SYNM: variants seen among roughly 807,000 people sequenced by gnomAD.
The protein encoded by SYNM is synemin.
SYNM carries 95 observed loss-of-function variants against 104.0 expected under a neutral mutation model. The ratio of observed to expected loss-of-function variants is 0.91; its 90% CI spans 0.77 to 1.08. The LOEUF (loss-of-function observed/expected upper bound fraction) is 1.08, where lower values mean the gene tolerates loss of function less well. Ranked by LOEUF, SYNM falls within the 50% of genes least tolerant of loss-of-function variation. The pLI, the probability that SYNM is intolerant of heterozygous loss-of-function variation, is 0.00. For synonymous variants in SYNM, 918 were observed against 869.0 expected (o/e 1.06, Z -0.99); for missense variants, 2,150 against 2,052.2 (o/e 1.05, Z -0.92).
At chr15:99,127,138 AG>A (rs1555485119) in intron 3 of SYNM, among the ~76,000 whole-genome samples, 3 of 152,098 alleles carry the variant, frequency 2.0e-5, no homozygotes, top group African/African-American at 7.2e-5. Context: ...TTCCAGACCA[AG>A]GGGTTATGGT....
At chr15:99,107,865 T>A (rs1241260613) in intron 1 of SYNM, among the ~76,000 whole-genome samples, 1 of 152,132 alleles carries the variant, frequency 6.6e-6, no homozygotes, top group African/African-American at 2.4e-5. Flanking sequence ...TACTTCTCTC[T>A]TGTTGGAATT....
Position 99,126,722 on chromosome 15 carries a change from G to A in SYNM, c.936G>A (p.Arg312=). 6.3e-7 allele frequency: 1 copy of A among 1,575,650 alleles called. No individual in the cohort carries two copies. Among genetic ancestry groups the A allele is most frequent in the East Asian group, 2.3e-5 (1 of 43,302 alleles). The change falls in exon 3 of 4, where the codon CGG becomes CGA. Residue 312 remains arginine (R), a splice_region_variant and synonymous_variant. Coordinates refer to ENST00000336292, the MANE Select transcript of SYNM (RefSeq NM_145728.3). ...TTATGTTTGTAAATTATTTTTACAG[G>A]GCCTTATTGGAAGGAGAAAGTAATC... The part of the protein sequence containing the change: ...TGLSLEVATY[R]ALLEGESNPE...
chr15:99,124,213 T>C (rs1555484830), intron 2 of SYNM, among the ~76,000 whole-genome samples: 2 of 152,358 alleles, frequency 1.3e-5, no homozygotes, highest in African/African-American at 4.8e-5. Flanking sequence ...ATGCTACCCA[T>C]TTCTTAAAGT....
chr15:99,105,294 T>G lies in SYNM; in HGVS notation c.95T>G (p.Leu32Arg), dbSNP rs1555482345. 6.4e-6 allele frequency: 10 copies of G among 1,551,046 alleles called. No homozygotes were observed. The highest frequency in any genetic ancestry group is 8.7e-6 in the Non-Finnish European group (10 of 1,148,672). ...LYDYVCRVRELERENLLLEEE... is the reference protein window; with the variant it reads ...LYDYVCRVRERERENLLLEEE... The stretch of plus-strand genomic sequence containing the variant: ...GACTACGTGTGTCGGGTGCGGGAGC[T>G]GGAGCGCGAAAACCTACTCCTGGAG... The change falls in exon 1 of 4, where the codon CTG (leucine) becomes CGG (arginine). Residue 32 changes from leucine to arginine, a missense_variant. Physicochemically the swap from Leu to Arg is moderately radical, Grantham distance 102. Transcript: ENST00000336292.
Position 99,132,956 on chromosome 15 carries a change from C to T in SYNM, c.4596C>T (p.Leu1532=). 1 of 1,613,290 alleles carries T rather than the reference C, an allele frequency of 6.2e-7. No homozygotes were observed. Among genetic ancestry groups the T allele is most frequent in the Non-Finnish European group, 8.5e-7 (1 of 1,179,728 alleles). ...EQAMFDKKVQ[L]QRMVDQRSVI... is the part of the protein sequence containing the mutation. ...CCATGTTTGATAAGAAGGTGCAGCT[C>T]CAGAGAATGGTAGACCAAAGGTCGG... is the stretch of plus-strand genomic sequence containing the variant. Residue 1532 remains leucine (L), a synonymous_variant, in exon 4 of 4, where the codon CTC becomes CTT. Coordinates refer to ENST00000336292, the MANE Select transcript of SYNM (RefSeq NM_145728.3).
At chr15:99,122,949 C>T (rs1333905069) in intron 2 of SYNM, among the ~76,000 whole-genome samples, 23 of 152,212 alleles carry the variant, frequency 1.5e-4, no homozygotes, top group Admixed American at 7.9e-4. Flanking sequence ...AGATGGTCCA[C>T]AGTCCCTTCC....
rs2067478922 is a variant in SYNM, at chr15:99,129,599, C to T, written c.1239C>T (p.Asn413=). The T allele has an allele frequency of 7.4e-6, 12 of 1,613,914 alleles. No individual in the cohort carries two copies. The highest frequency in any genetic ancestry group is 1.0e-5 in the Non-Finnish European group (12 of 1,179,868). The change falls in exon 4 of 4, where the codon AAC becomes AAT. Residue 413 remains asparagine (N), a synonymous_variant. Transcript: ENST00000336292. The stretch of plus-strand genomic sequence containing the variant: ...CCTCGGCCACTACCCAGCAGGAAAA[C>T]TCATACGGAAAAGCCGTCAGCAGTC... ...YSSSATTQQE[N]SYGKAVSSQT...
intron 2 of SYNM, among the ~76,000 whole-genome samples, chr15:99,115,781 C>T (rs2067343400): frequency 6.6e-6 from 1 of 152,152 alleles, no homozygotes; most frequent in Admixed American, 6.5e-5. Flanking sequence ...ATTTTTTGCT[C>T]TAAGAATATC....
rs2067225598 is a variant in SYNM at position 99,105,554 on chromosome 15, G to A, written c.355G>A (p.Glu119Lys). ...LDAELGAQQR[E>K]LQEALGARAA... The stretch of plus-strand genomic sequence containing the variant: ...CGCCGAGCTGGGTGCGCAGCAGCGC[G>A]AGCTGCAGGAGGCGCTGGGCGCGCG... Residue 119 changes from glutamate (E) to lysine (K), a missense_variant, in exon 1 of 4, where the codon GAG becomes AAG. Glu to Lys is a moderately conservative substitution (Grantham distance 56). Transcript: ENST00000336292. The A allele has an allele frequency of 7.5e-6, 9 of 1,195,908 alleles. No individual in the cohort carries two copies. In the East Asian group the frequency reaches 2.6e-4, roughly 35 times the overall value. The allele number at this position is 1,195,908 out of a possible 1,614,324, so 74.1% of individuals were successfully genotyped here. A position where few individuals can be genotyped will look rare whatever the true frequency, so the allele number is the denominator to read the frequency against.
At chr15:99,118,849 A>G (rs2067373985) in intron 2 of SYNM, among the ~76,000 whole-genome samples, 1 of 152,194 alleles carries the variant, frequency 6.6e-6, no homozygotes, top group African/African-American at 2.4e-5. Context: ...ACCTCTGAGC[A>G]TCCTAAGACG....
intron 3 of SYNM, among the ~76,000 whole-genome samples, chr15:99,127,596 T>C (rs1046918593): frequency 1.1e-4 from 17 of 152,350 alleles, no homozygotes; most frequent in African/African-American, 4.1e-4. Context: ...TTGAGAAGAA[T>C]ATTTGGGTTC....
At chr15:99,114,222 G>A (rs982373577) in intron 2 of SYNM, among the ~76,000 whole-genome samples, 10 of 152,170 alleles carry the variant, frequency 6.6e-5, no homozygotes, top group African/African-American at 1.4e-4. Flanking sequence ...ACTTACAATC[G>A]TGGCGGAAGG....
Position 99,131,309 on chromosome 15 carries a change from C to A in SYNM, c.2949C>A (p.Ser983=), listed in dbSNP as rs782335127. 1 of 1,612,936 alleles carries A rather than the reference C, an allele frequency of 6.2e-7. No individual in the cohort carries two copies. The highest frequency in any genetic ancestry group is 1.1e-5 in the South Asian group (1 of 90,648). Residue 983 remains serine, a synonymous_variant, in exon 4 of 4, where the codon TCC becomes TCA. Transcript: ENST00000336292. This position sits in a 1 kb window ranked among gnomAD's most constrained non-coding sequence, Gnocchi z 4.3. The part of the protein sequence containing the change: ...REGQGGPGSV[S]VDVKKVQGAG... Reference sequence around the variant, plus strand: ...GGCAGGGTGGGCCGGGGAGCGTTTCCGTGGATGTCAAGAAGGTCCAGGGTG... The same window carrying A: ...GGCAGGGTGGGCCGGGGAGCGTTTCAGTGGATGTCAAGAAGGTCCAGGGTG...
At chr15:99,117,627 C>T (rs1313339386) in intron 2 of SYNM, among the ~76,000 whole-genome samples, 1 of 152,174 alleles carries the variant, frequency 6.6e-6, no homozygotes, top group Non-Finnish European at 1.5e-5. Context: ...TTGTGCCTTG[C>T]CTTTGGAATT....
intron 1 of SYNM, among the ~76,000 whole-genome samples, chr15:99,110,973 C>A (rs1188287001): frequency 1.3e-5 from 2 of 152,186 alleles, no homozygotes; most frequent in African/African-American, 4.8e-5. Flanking sequence ...CCACTGGGAG[C>A]CAGTTAAGTC....
intron 2 of SYNM, among the ~76,000 whole-genome samples, chr15:99,126,180 C>T (rs1252580651): frequency 1.3e-5 from 2 of 152,164 alleles, no homozygotes; most frequent in African/African-American, 2.4e-5. Context: ...TCCAAGGTGA[C>T]CCCCTGGAAT....
At position 99,132,806 on chromosome 15, in the gene SYNM, C is replaced by T. The variant is rs375707201; in HGVS notation, c.4446C>T (p.Leu1482=). The change falls in exon 4 of 4, where the codon CTC becomes CTT. Residue 1482 remains leucine, a synonymous_variant. Coordinates refer to ENST00000336292, the MANE Select transcript of SYNM (RefSeq NM_145728.3). The part of the protein sequence containing the change: ...IRSRTQEAGA[L]GVSDRGSWRD... The stretch of plus-strand genomic sequence containing the variant: ...GCCGGACACAGGAAGCGGGAGCTCT[C>T]GGTGTGTCTGACCGTGGTTCCTGGA... The T allele has an allele frequency of 2.3e-5, 37 of 1,613,808 alleles. No homozygotes were observed. The highest frequency in any genetic ancestry group is 2.7e-5 in the Non-Finnish European group (32 of 1,179,902).
intron 3 of SYNM, 124 bp from the exon 4 acceptor site, chr15:99,129,243 G>A: frequency 7.4e-7 from 1 of 1,354,588 alleles, no homozygotes; most frequent in Non-Finnish European, 9.8e-7. Flanking sequence ...TTTATAATGA[G>A]CTTTCTGTGG....
chr15:99,138,319 A>ATT (rs1233034058), downstream of SYNM, among the ~76,000 whole-genome samples: 1 of 146,524 alleles, frequency 6.8e-6, no homozygotes, highest in Admixed American at 6.8e-5. Flanking sequence ...TATTTTTTTA[A>ATT]TTTTTTTTTT....
Sources: gnomAD v4.1 joint callset for allele counts (sites outside exome capture counted in the v4.1 genomes callset) on GRCh38, gnomAD v4.1.1 for gene constraint, Gnocchi (gnomAD v3.1) non-coding constraint, MANE v1.5 for transcripts, NCBI Gene and HGNC (gene_info 2026-07-23, HGNC 2026-07-21) for gene names.